Variants in KLRG1 observed in about 807,000 individuals in gnomAD.
KLRG1 encodes the protein killer cell lectin like receptor G1.
In KLRG1, 16 loss-of-function variants were observed where a neutral mutation model predicts 21.8. The observed-to-expected ratio is 0.73, with a 90% CI of 0.50 to 1.11. KLRG1 has a LOEUF of 1.11. Among genes scored for constraint, KLRG1 ranks in the 50% most tolerant of loss-of-function variants. The probability of loss-of-function intolerance (pLI) is 0.00; values close to 1 mark genes in which losing one functional copy is unlikely to be tolerated. For missense variants in KLRG1, 173 were observed against 218.3 expected (o/e 0.79, Z 1.31); for synonymous variants, 69 against 75.9 (o/e 0.91, Z 0.47).
chr12:9,058,921 G>A, the KLRG1 span: 1 of 152,710 alleles, frequency 6.5e-6, no homozygotes, highest in Admixed American at 6.5e-5. Flanking sequence ...AATAAAGAAA[G>A]CCTGTGGGGT....
the KLRG1 span, among the ~76,000 whole-genome samples, chr12:9,171,669 C>G: frequency 6.6e-6 from 1 of 152,116 alleles, no homozygotes; most frequent in Admixed American, 6.5e-5. Context: ...AGCTGAAAAC[C>G]GCATCTCAAG....
chr12:9,074,498 C>T, the KLRG1 span: 15 of 1,475,658 alleles, frequency 1.0e-5, no homozygotes, highest in Non-Finnish European at 1.4e-5. Context: ...GTGTTTGTTT[C>T]TTTTTCATTC....
chr12:8,995,989 G>T (rs1947120137), intron 3 of KLRG1, among the ~76,000 whole-genome samples: 1 of 152,092 alleles, frequency 6.6e-6, no homozygotes, highest in South Asian at 2.1e-4. Context: ...TCCTTATATA[G>T]TGGAACTTGG....
chr12:8,977,323 C>T (rs1481532736), intron 1 of KLRG1, among the ~76,000 whole-genome samples: 2 of 151,738 alleles, frequency 1.3e-5, no homozygotes, highest in East Asian at 1.9e-4. Flanking sequence ...CCTGCCTCAG[C>T]CTCCTGATTA....
chr12:9,027,611 G>T, the KLRG1 span: 1 of 872,594 alleles, frequency 1.1e-6, no homozygotes. Context: ...CAAAGCATTG[G>T]CCTCCACCAC....
chr12:9,069,960 T>A, the KLRG1 span: 2 of 651,598 alleles, frequency 3.1e-6, no homozygotes, highest in Non-Finnish European at 5.3e-6. Flanking sequence ...GTAATACAAT[T>A]AAAAATGAAA....
At chr12:9,169,081 C>T in the KLRG1 span, 45,422 of 750,830 alleles carry the variant, frequency 0.06, 1,786 homozygotes, top group African/African-American at 0.15. Context: ...TATATTAATT[C>T]TATGGCGAAA....
chr12:9,210,248 A>G, the KLRG1 span, among the ~76,000 whole-genome samples: 9 of 152,174 alleles, frequency 5.9e-5, no homozygotes, highest in African/African-American at 1.4e-4. Context: ...CTTTTTATCA[A>G]TCTGATGAGT....
At chr12:9,121,732 T>C in the KLRG1 span, among the ~76,000 whole-genome samples, 1 of 152,202 alleles carries the variant, frequency 6.6e-6, no homozygotes, top group Non-Finnish European at 1.5e-5. This position sits in a 1 kb window ranked among gnomAD's most constrained non-coding sequence, Gnocchi z 4.4. Context: ...ACAATAGAAT[T>C]CAATGGCTGT....
At chr12:8,991,034 A>G (rs1946950927) in intron 1 of KLRG1, among the ~76,000 whole-genome samples, 1 of 152,156 alleles carries the variant, frequency 6.6e-6, no homozygotes, top group Non-Finnish European at 1.5e-5. Context: ...AGAATACTCC[A>G]TAGATACACA....
At chr12:9,102,162 G>C in the KLRG1 span, among the ~76,000 whole-genome samples, 24 of 152,318 alleles carry the variant, frequency 1.6e-4, no homozygotes, top group African/African-American at 4.6e-4. Context: ...TTTAAGAGCT[G>C]AGCTGATGAA....
the KLRG1 span, among the ~76,000 whole-genome samples, chr12:9,082,968 G>T: frequency 6.6e-6 from 1 of 152,180 alleles, no homozygotes; most frequent in Admixed American, 6.5e-5. Context: ...TGTATTTCTA[G>T]TTCTAGATCC....
chr12:9,101,387 A>G, the KLRG1 span: 3 of 1,432,696 alleles, frequency 2.1e-6, no homozygotes, highest in Non-Finnish European at 2.9e-6. Context: ...CTTCATGATT[A>G]CTTGCTCCAC....
chr12:9,117,826 A>G, the KLRG1 span, among the ~76,000 whole-genome samples: 1 of 152,348 alleles, frequency 6.6e-6, no homozygotes, highest in South Asian at 2.1e-4. Flanking sequence ...TTAATCCAAT[A>G]TATCCAAAAT....
the KLRG1 span, chr12:9,107,722 T>C: frequency 1.5e-4 from 230 of 1,536,388 alleles, no homozygotes; most frequent in Non-Finnish European, 1.9e-4. Context: ...ATCTCCCCTT[T>C]AGCTACAGTA....
the KLRG1 span, among the ~76,000 whole-genome samples, chr12:9,083,182 T>C: frequency 1.8e-4 from 27 of 152,140 alleles, no homozygotes; most frequent in African/African-American, 5.1e-4. Context: ...TAGGTGGGAA[T>C]TGAACAATGA....
the KLRG1 span, chr12:9,152,994 G>T: frequency 6.2e-7 from 1 of 1,613,072 alleles, no homozygotes; most frequent in South Asian, 1.1e-5. Context: ...TCTTTTTCTG[G>T]ACCCCTCACT....
the KLRG1 span, among the ~76,000 whole-genome samples, chr12:9,210,036 T>G: frequency 6.6e-6 from 1 of 152,190 alleles, no homozygotes; most frequent in African/African-American, 2.4e-5. Flanking sequence ...ACGGTATGTC[T>G]ACTTAAGCAT....
At chr12:9,029,264 G>A in the KLRG1 span, among the ~76,000 whole-genome samples, 5 of 152,224 alleles carry the variant, frequency 3.3e-5, no homozygotes, top group East Asian at 7.7e-4. Context: ...TGCCCAGACT[G>A]GAGTGCAATG....
Sources: gnomAD v4.1 joint callset for allele counts (sites outside exome capture counted in the v4.1 genomes callset) on GRCh38, gnomAD v4.1.1 for gene constraint, Gnocchi (gnomAD v3.1) non-coding constraint, MANE v1.5 for transcripts, NCBI Gene and HGNC (gene_info 2026-07-23, HGNC 2026-07-21) for gene names.